ALOX12B: variants seen among roughly 807,000 people sequenced by gnomAD.
ALOX12B encodes the protein arachidonate 12-lipoxygenase, 12R-type.
In ALOX12B, 47 loss-of-function variants were observed where a neutral mutation model predicts 78.9. That is an observed-to-expected ratio of 0.60 (90% confidence interval 0.47 to 0.76). ALOX12B has a LOEUF of 0.76. Among genes scored for constraint, ALOX12B ranks in the 30% least tolerant of loss-of-function variants. ALOX12B has a pLI of 0.00. For missense variants in ALOX12B, 805 were observed against 922.6 expected, an observed-to-expected ratio of 0.87 and a Z score of 1.65; for synonymous variants, 370 against 374.5, an observed-to-expected ratio of 0.99 and a Z score of 0.14.
Position 8,080,167 on chromosome 17 carries a change from G to A in ALOX12B, c.754+68C>T. 3 of 1,563,472 alleles carry A rather than the reference G, an allele frequency of 1.9e-6. No homozygotes were observed. Among genetic ancestry groups the A allele is most frequent in the Non-Finnish European group, 2.6e-6 (3 of 1,134,274 alleles). On this transcript the variant is annotated intron_variant, in intron 6 of 14. Transcript: ENST00000647874. The surrounding 1 kb of genome is among the most constrained non-coding windows in gnomAD (Gnocchi z 4.8). The stretch of plus-strand genomic sequence containing the variant: ...CTCCCGTCCCACTGCCCCGAAGTCG[G>A]GGGCCTGCCTAGCACGCCGGAGACC...
intron 1 of ALOX12B, 135 bp downstream of exon 1, chr17:8,087,161 G>A (rs1978301893): frequency 1.5e-6 from 2 of 1,321,920 alleles, no homozygotes; most frequent in Non-Finnish European, 2.1e-6. Context: ...GCCAAGCTCA[G>A]CTCACCTGGC....
chr17:8,080,830 C>A lies in ALOX12B; in HGVS notation c.528-50G>T, dbSNP rs1209240695. On this transcript the variant is annotated intron_variant, in intron 4 of 14. Coordinates refer to ENST00000647874, the MANE Select transcript of ALOX12B (RefSeq NM_001139.3). This position sits in a 1 kb window ranked among gnomAD's most constrained non-coding sequence, Gnocchi z 4.8. ...TGGGATCCAGGGGGCGGGGAGGAGG[C>A]AGGCGCCCAGGGGAAAACCATGGGC... The A allele has an allele frequency of 8.7e-6, 14 of 1,613,754 alleles. No individual in the cohort carries two copies. The highest frequency in any genetic ancestry group is 1.2e-5 in the Non-Finnish European group (14 of 1,179,924).
intron 8 of ALOX12B, among the ~76,000 whole-genome samples, chr17:8,078,232 G>GC (rs979942472): frequency 9.9e-5 from 15 of 151,488 alleles, no homozygotes; most frequent in African/African-American, 3.4e-4. Context: ...TGCAACCTCT[G>GC]CCTCCTGGGT....
In ALOX12B at chr17:8,081,405, C is replaced by T. The variant is rs2151823589; in HGVS notation, c.353-218G>A. 1.3e-5 allele frequency: 8 copies of T among 624,072 alleles called. No individual in the cohort carries two copies. In the East Asian group the frequency reaches 2.3e-4, roughly 18 times the overall value. 38.7% of individuals were successfully genotyped at this position (624,072 alleles called of 1,614,324 possible). On this transcript the variant is annotated intron_variant, in intron 2 of 14. Transcript: ENST00000647874. ...TCTTTCCTCTTGCTCTACTGTCAAG[C>T]TAAGCTCTGCTGCTGCAAAAAGTCC...
At chr17:8,081,784 A>G (rs532412171) in intron 2 of ALOX12B, among the ~76,000 whole-genome samples, 1 of 152,226 alleles carries the variant, frequency 6.6e-6, no homozygotes, top group Non-Finnish European at 1.5e-5. Context: ...GTGGGATTAC[A>G]GGTGCCTGCC....
In ALOX12B at chr17:8,087,233, CACAGACACACACACACACACACACAG is replaced by C. The variant is rs1224472821; in HGVS notation, c.147+37_147+62del. 56 of 911,376 alleles carry C rather than the reference CACAGACACACACACACACACACACAG, an allele frequency of 6.1e-5. No individual in the cohort carries two copies. The African/African-American group carries it at 1.8e-3, about 29-fold the overall frequency. The allele number at this position is 911,376 out of a possible 1,614,324, so 56.5% of individuals were successfully genotyped here. On this transcript the variant is annotated intron_variant, in intron 1 of 14. Transcript: ENST00000647874. The stretch of plus-strand genomic sequence containing the variant: ...AGACACACAGACACACACAGACACA[CACAGACACACACACACACACACACAG>C]ACACACACACACACACACACACACA...
intron 2 of ALOX12B, among the ~76,000 whole-genome samples, chr17:8,084,104 G>T (rs995151217): frequency 2.0e-5 from 3 of 152,054 alleles, no homozygotes; most frequent in African/African-American, 7.2e-5. Context: ...GTTGCAGTGA[G>T]CCGAGATTGC....
Position 8,080,755 on chromosome 17 carries a change from G to A in ALOX12B, c.553C>T (p.Pro185Ser). The change falls in exon 5 of 15, where the codon CCA becomes TCA. Residue 185 changes from proline (P) to serine (S), a missense_variant. By Grantham distance (74) the Pro-to-Ser change is moderately conservative (BLOSUM62 -1). Coordinates refer to ENST00000647874, the MANE Select transcript of ALOX12B (RefSeq NM_001139.3). This position sits in a 1 kb window ranked among gnomAD's most constrained non-coding sequence, Gnocchi z 4.8. ...GTGGCCTTAAAGTTGATGAGAATTG[G>A]GAATCCCGGAATATAGCCATTCCAC... ...PEWNGYIPGF[P>S]ILINFKATKF... is the part of the protein sequence containing the mutation. The A allele has an allele frequency of 6.2e-7, 1 of 1,614,138 alleles. No homozygotes were observed. The highest frequency in any genetic ancestry group is 8.5e-7 in the Non-Finnish European group (1 of 1,180,020).
chr17:8,078,584 G>A (rs1051696161), intron 8 of ALOX12B, among the ~76,000 whole-genome samples: 5 of 151,994 alleles, frequency 3.3e-5, no homozygotes, highest in Admixed American at 2.0e-4. Flanking sequence ...GGAAGAAAGC[G>A]TAGCGCTCCT....
At chr17:8,084,587 G>A (rs1424838069) in intron 2 of ALOX12B, among the ~76,000 whole-genome samples, 1 of 152,114 alleles carries the variant, frequency 6.6e-6, no homozygotes, top group East Asian at 1.9e-4. Context: ...GATGCTCTGT[G>A]TCCCCAGTGA....
At chr17:8,073,587 G>T (rs779471254) in intron 13 of ALOX12B, 70 bp downstream of exon 13, 8 of 1,418,618 alleles carry the variant, frequency 5.6e-6, no homozygotes, top group African/African-American at 2.8e-5. Context: ...TGGGTTTGAG[G>T]TTGGGGCATG....
At chr17:8,082,626 C>T (rs1484697373) in intron 2 of ALOX12B, among the ~76,000 whole-genome samples, 2 of 152,196 alleles carry the variant, frequency 1.3e-5, no homozygotes, top group Non-Finnish European at 2.9e-5. Flanking sequence ...TGACGCACTG[C>T]CTCCCTTTCA....
Position 8,079,585 on chromosome 17 carries a change from A to T in ALOX12B, c.928-46T>A. 5.2e-6 allele frequency: 8 copies of T among 1,547,580 alleles called. No individual in the cohort carries two copies. The highest frequency in any genetic ancestry group is 7.0e-6 in the Non-Finnish European group (8 of 1,145,640). Reference sequence around the variant, plus strand: ...GTGGCAAGTAGGCACCCACACGGGAAGCCCGTGACCCGCGCCGCAGGTGCA... The same window carrying T: ...GTGGCAAGTAGGCACCCACACGGGATGCCCGTGACCCGCGCCGCAGGTGCA... On this transcript the variant is annotated intron_variant, in intron 7 of 14. Transcript: ENST00000647874. The surrounding 1 kb of genome is among the most constrained non-coding windows in gnomAD (Gnocchi z 6.4).
At chr17:8,076,427 CT>C (rs1193137359) in intron 10 of ALOX12B, 83 bp from the exon 11 acceptor site, 1 of 1,505,164 alleles carries the variant, frequency 6.6e-7, no homozygotes, top group Non-Finnish European at 9.0e-7. Flanking sequence ...GTAAGTGCCC[CT>C]GTAACCCCTG....
At chr17:8,078,303 C>T (rs772280153) in intron 8 of ALOX12B, among the ~76,000 whole-genome samples, 62 of 151,496 alleles carry the variant, frequency 4.1e-4, no homozygotes, top group Non-Finnish European at 6.6e-4. Flanking sequence ...CGCCCCCGAC[C>T]ATGCCCAGCT....
At position 8,086,222 on chromosome 17, in the gene ALOX12B, T is replaced by A. The variant is rs754458388; in HGVS notation, c.148-2A>T. On this transcript the variant is annotated splice_acceptor_variant, in intron 1 of 14. Transcript: ENST00000647874. LOFTEE classifies it high-confidence loss of function. ...GCACTGCACGGTGTACTGGCCCACC[T>A]AGGCAGGATGCAAGCCTGGCTGAGT... The A allele has an allele frequency of 6.2e-7, 1 of 1,613,838 alleles. No homozygotes were observed. The highest frequency in any genetic ancestry group is 1.1e-5 in the South Asian group (1 of 91,040).
intron 2 of ALOX12B, among the ~76,000 whole-genome samples, chr17:8,084,406 G>A (rs964828490): frequency 6.6e-6 from 1 of 152,150 alleles, no homozygotes; most frequent in African/African-American, 2.4e-5. Flanking sequence ...GACCTAGCTC[G>A]TTTTCATCCC....
intron 12 of ALOX12B, 128 bp downstream of exon 12, chr17:8,075,467 C>T: frequency 6.8e-7 from 1 of 1,466,288 alleles, no homozygotes; most frequent in Non-Finnish European, 9.4e-7. Flanking sequence ...CCTAGGGCAG[C>T]AATTTGGTCT....
At chr17:8,083,592 G>A (rs558160437) in intron 2 of ALOX12B, among the ~76,000 whole-genome samples, 6 of 152,224 alleles carry the variant, frequency 3.9e-5, no homozygotes, top group Non-Finnish European at 7.4e-5. Context: ...AGCTGGGTGT[G>A]GTGTTGCATG....
Sources: gnomAD v4.1 joint callset for allele counts (sites outside exome capture counted in the v4.1 genomes callset) on GRCh38, gnomAD v4.1.1 for gene constraint, Gnocchi (gnomAD v3.1) non-coding constraint, MANE v1.5 for transcripts, NCBI Gene and HGNC (gene_info 2026-07-23, HGNC 2026-07-21) for gene names.